The following TAF15 variants were observed in gnomAD, a reference collection of about 807,000 sequenced individuals.
The protein encoded by TAF15 is TATA-box binding protein associated factor 15.
TAF15 carries 37 observed loss-of-function variants against 102.5 expected under a neutral mutation model. That is an observed-to-expected ratio of 0.36 (90% CI 0.28 to 0.47). The LOEUF (loss-of-function observed/expected upper bound fraction) is 0.47, where lower values mean the gene tolerates loss of function less well. Ranked by LOEUF, TAF15 falls within the 20% of genes least tolerant of loss-of-function variation. TAF15 has a pLI of 0.99. For synonymous variants in TAF15, 273 were observed against 259.2 expected, an observed-to-expected ratio of 1.05 and a Z score of -0.51; for missense variants, 652 against 760.7, an observed-to-expected ratio of 0.86 and a Z score of 1.68.
rs372731106 is a variant in TAF15, at chr17:35,820,035, A to G, written c.59A>G (p.Tyr20Cys). 29 of 1,613,906 alleles carry G rather than the reference A, an allele frequency of 1.8e-5. No homozygotes were observed. The highest frequency in any genetic ancestry group is 4.0e-5 in the African/African-American group (3 of 74,946). Residue 20 changes from tyrosine to cysteine, a missense_variant, in exon 3 of 16, where the codon TAT becomes TGT. Transcript: ENST00000605844. The stretch of plus-strand genomic sequence containing the variant: ...TTTTTCTTTTGCAGTTATTCTACCT[A>G]TGGAAATCCAGGCAGCCAAGGCTAT... ...SGGEQQSYST[Y>C]GNPGSQGYGQ...
chr17:35,825,004 C>G (rs2087308575), intron 7 of TAF15, among the ~76,000 whole-genome samples: 2 of 151,934 alleles, frequency 1.3e-5, no homozygotes, highest in Admixed American at 6.6e-5. Flanking sequence ...AATACACAGG[C>G]TAAAAGGTAA....
intron 6 of TAF15, 113 bp from the exon 7 acceptor site, chr17:35,823,965 A>C: frequency 4.6e-6 from 6 of 1,317,756 alleles, no homozygotes; most frequent in Non-Finnish European, 5.5e-6. Flanking sequence ...AGTTGTGTGC[A>C]CATGTGCCAT....
At position 35,828,754 on chromosome 17, in the gene TAF15, C is replaced by T. The variant is rs75340482; in HGVS notation, c.605+4556C>T. 7.9e-3 allele frequency among the ~76,000 whole-genome samples: 1,193 copies of T among 150,652 alleles called. 9 individuals are homozygous for T. Among genetic ancestry groups the T allele is most frequent in the African/African-American group, 0.028 (1,123 of 40,836 alleles). On this transcript the variant is annotated intron_variant, in intron 7 of 15. Transcript: ENST00000605844. ...GTCGGTCAAATTCCATTTCCCCCTCCGCCCCATACCTCTTCAAATGTTTAA... is the reference window on the plus strand; with the variant it reads ...GTCGGTCAAATTCCATTTCCCCCTCTGCCCCATACCTCTTCAAATGTTTAA...
At chr17:35,827,106 T>A (rs1304272691) in intron 7 of TAF15, among the ~76,000 whole-genome samples, 1 of 151,870 alleles carries the variant, frequency 6.6e-6, no homozygotes, top group East Asian at 1.9e-4. Context: ...AAATAGCAAT[T>A]CTTGGCCGGG....
rs116411999 is a variant in TAF15, at chr17:35,809,508, C to T, written c.-62C>T. The T allele has an allele frequency of 3.3e-4, 524 of 1,610,666 alleles. 1 individual carries two copies. The African/African-American group carries it at 4.6e-3, about 14-fold the overall frequency. ...CAGTACAGCTCCGGCCGCCGCGCCG[C>T]CTGGCTTTCGTATTCGTTGTTCTCG... On this transcript the variant is annotated 5_prime_UTR_variant, in exon 1 of 16. Transcript: ENST00000605844.
Position 35,831,356 on chromosome 17 carries a change from G to A in TAF15, c.606-2551G>A, listed in dbSNP as rs185704694. On this transcript the variant is annotated intron_variant, in intron 7 of 15. Coordinates refer to ENST00000605844, the MANE Select transcript of TAF15 (RefSeq NM_139215.3). ...CAGGAGGCGGAGCTTGCAGTGAGCC[G>A]AGATCGCGCCACTGCACTCCAGCCT... Among the ~76,000 whole-genome samples the A allele has an allele frequency of 5.8e-3, 877 of 150,178 alleles. 11 individuals carry two copies. Among genetic ancestry groups the A allele is most frequent in the African/African-American group, 0.02 (803 of 40,758 alleles).
chr17:35,810,617 A>G (rs1425941174), intron 1 of TAF15: 3 of 152,102 alleles, frequency 2.0e-5, no homozygotes, highest in African/African-American at 7.2e-5. Context: ...AATACAGAAC[A>G]TTTCCTGAAA....
intron 7 of TAF15, among the ~76,000 whole-genome samples, chr17:35,829,764 T>G (rs1034019235): frequency 1.3e-5 from 2 of 151,694 alleles, no homozygotes; most frequent in Non-Finnish European, 2.9e-5. Context: ...GCTGTAACAG[T>G]GAAACAACCC....
At chr17:35,829,622 A>G (rs1265263302) in intron 7 of TAF15, among the ~76,000 whole-genome samples, 1 of 119,478 alleles carries the variant, frequency 8.4e-6, no homozygotes, top group Non-Finnish European at 1.6e-5. Flanking sequence ...ACAGAGCGAG[A>G]CTCCATCTCA....
chr17:35,839,370 C>CTTTTTTTTTTTTT lies in TAF15; in HGVS notation c.913+834_913+846dup, dbSNP rs562461506. 1.3e-4 allele frequency among the ~76,000 whole-genome samples: 7 copies of CTTTTTTTTTTTTT among 52,420 alleles called. 2 individuals are homozygous for CTTTTTTTTTTTTT. Among genetic ancestry groups the CTTTTTTTTTTTTT allele is most frequent in the African/African-American group, 5.4e-4 (6 of 11,146 alleles). The allele number at this position is 52,420 out of a possible 152,430, so 34.4% of individuals were successfully genotyped here. The stretch of plus-strand genomic sequence containing the variant: ...TTAATACATACTTAGAAGAAATAGA[C>CTTTTTTTTTTTTT]TTTTTTTTTTTTTTTTTTTTTTTTT... On this transcript the variant is annotated intron_variant, in intron 11 of 15. Transcript: ENST00000605844.
chr17:35,842,143 T>G (rs1023386616), intron 11 of TAF15, among the ~76,000 whole-genome samples: 3 of 152,146 alleles, frequency 2.0e-5, no homozygotes, highest in Non-Finnish European at 4.4e-5. Context: ...TTTTTGTTTT[T>G]TTTTTAAGCT....
At chr17:35,843,969 A>T in intron 12 of TAF15, 108 bp from the exon 13 acceptor site, 1 of 967,144 alleles carries the variant, frequency 1.0e-6, no homozygotes, top group South Asian at 1.3e-5. Flanking sequence ...TAATTTGCAG[A>T]GTGCTGCCTA....
chr17:35,814,438 G>A (rs562494233), intron 1 of TAF15, among the ~76,000 whole-genome samples: 2 of 152,046 alleles, frequency 1.3e-5, no homozygotes, highest in African/African-American at 4.8e-5. Flanking sequence ...AAAGTGCTGG[G>A]ATTACAGGCG....
rs761504647 is a variant in TAF15, at chr17:35,846,980, A to T, written c.*35A>T. On this transcript the variant is annotated 3_prime_UTR_variant, in exon 16 of 16. Transcript: ENST00000605844. ...TGAATGTTCCTTTGTCTCTGACATGATCCATAGTGAAATTGCCAGAGTTTT... is the reference window on the plus strand; with the variant it reads ...TGAATGTTCCTTTGTCTCTGACATGTTCCATAGTGAAATTGCCAGAGTTTT... The T allele has an allele frequency of 1.8e-5, 29 of 1,612,400 alleles. No individual in the cohort carries two copies. The Admixed American group carries it at 2.0e-4, about 11-fold the overall frequency.
intron 1 of TAF15, among the ~76,000 whole-genome samples, chr17:35,814,000 TG>T (rs373817990): frequency 4.6e-4 from 70 of 152,080 alleles, no homozygotes; most frequent in African/African-American, 1.4e-3. Context: ...TTTTTGTTGT[TG>T]TTGTTGTTGT....
Position 35,829,296 on chromosome 17 carries a change from T to TA in TAF15, c.606-4610dup, listed in dbSNP as rs35634529. On this transcript the variant is annotated intron_variant, in intron 7 of 15. Coordinates refer to ENST00000605844, the MANE Select transcript of TAF15 (RefSeq NM_139215.3). Reference sequence around the variant, plus strand: ...TTGGCAGTTTTAGTCCATAAATAGATATAGTTAGGTTTTTATTTTATTTTT... The same window carrying TA: ...TTGGCAGTTTTAGTCCATAAATAGATAATAGTTAGGTTTTTATTTTATTTTT... 9.3e-3 allele frequency among the ~76,000 whole-genome samples: 1,412 copies of TA among 151,800 alleles called. 24 individuals carry two copies. The highest frequency in any genetic ancestry group is 0.032 in the African/African-American group (1,343 of 41,492).
At chr17:35,809,689 C>T in intron 1 of TAF15, 113 bp downstream of exon 1, 1 of 1,483,762 alleles carries the variant, frequency 6.7e-7, no homozygotes. Context: ...CTGAGGGAGG[C>T]TTGGGGTGGG....
chr17:35,824,785 A>G (rs2087306047), intron 7 of TAF15, among the ~76,000 whole-genome samples: 1 of 152,220 alleles, frequency 6.6e-6, no homozygotes, highest in Admixed American at 6.5e-5. Flanking sequence ...GTGTAAAGGA[A>G]TGTCTTTTTA....
intron 7 of TAF15, chr17:35,833,560 C>T (rs932448742): frequency 5.2e-4 from 99 of 191,922 alleles, no homozygotes; most frequent in African/African-American, 1.5e-3. Context: ...AGAAAATAAC[C>T]GTTTGGAAAA....
Sources: allele counts gnomAD v4.1 joint callset (sites outside exome capture counted in the v4.1 genomes callset), GRCh38; gene constraint gnomAD v4.1.1; transcripts MANE v1.5; gene names NCBI Gene and HGNC (gene_info 2026-07-23, HGNC 2026-07-21).